The following PALLD variants were observed in gnomAD, a reference collection of about 807,000 sequenced individuals.
PALLD encodes the protein palladin, cytoskeletal associated protein, also known as palladin.
Under a neutral mutation model 123.5 loss-of-function variants are expected in PALLD, and 61 were observed. The observed-to-expected ratio is 0.49, with a 90% CI of 0.40 to 0.61. The LOEUF is 0.61. PALLD is among the 20% of genes least tolerant of loss of function. The pLI is 0.00. For missense variants in PALLD, 1,273 were observed against 1,377.0 expected (o/e 0.92, Z 1.20); for synonymous variants, 465 against 496.4 (o/e 0.94, Z 0.84).
rs768606490 is a variant in PALLD, at chr4:168,668,261, A to G, written c.980A>G (p.His327Arg). Residue 327 changes from histidine to arginine, a missense_variant, in exon 3 of 22, where the codon CAT (histidine) becomes CGT (arginine). Physicochemically the swap from His to Arg is conservative, Grantham distance 29. This residue lies in a region of PALLD where 944 missense variants were observed against 954.5 expected (regional missense o/e 0.99). Coordinates refer to ENST00000505667, the MANE Select transcript of PALLD (RefSeq NM_001166108.2). ...ATCCACTGTGAGGGAGGGGACCTCC[A>G]TACCCTGATCATAGCAGAGGCCTTT... ...IQIHCEGGDL[H>R]TLIIAEAFED... 7 of 1,613,910 alleles carry G rather than the reference A, an allele frequency of 4.3e-6. No individual in the cohort carries two copies. The highest frequency in any genetic ancestry group is 1.7e-5 in the Admixed American group (1 of 60,032).
At chr4:168,556,733 T>G (rs1198789568) in intron 2 of PALLD, among the ~76,000 whole-genome samples, 1 of 152,170 alleles carries the variant, frequency 6.6e-6, no homozygotes, top group Non-Finnish European at 1.5e-5. Context: ...CAAAAAAGAC[T>G]GAGAAAATAT....
chr4:168,526,420 C>T (rs72697209), intron 2 of PALLD, among the ~76,000 whole-genome samples: 13,115 of 152,198 alleles, frequency 0.086, 820 homozygotes, highest in Non-Finnish European at 0.13. Context: ...TTCTCACATC[C>T]GTGGTATTGA....
chr4:168,580,927 A>C (rs1770201112), intron 2 of PALLD, among the ~76,000 whole-genome samples: 1 of 152,058 alleles, frequency 6.6e-6, no homozygotes, highest in Non-Finnish European at 1.5e-5. Flanking sequence ...AAATGAGAAC[A>C]TGTGGACAGG....
At chr4:168,857,020 G>A (rs1332402416) in intron 10 of PALLD, among the ~76,000 whole-genome samples, 1 of 152,232 alleles carries the variant, frequency 6.6e-6, no homozygotes, top group Admixed American at 6.5e-5. Context: ...AAACATAAAT[G>A]TTAGAAAAGT....
chr4:168,899,715 G>A (rs998119076), intron 14 of PALLD, among the ~76,000 whole-genome samples: 4 of 152,002 alleles, frequency 2.6e-5, no homozygotes, highest in African/African-American at 7.3e-5. Context: ...TCAGGAGTTC[G>A]AGACCAGCCT....
intron 1 of PALLD, among the ~76,000 whole-genome samples, chr4:168,500,941 A>G (rs1331187415): frequency 6.6e-6 from 1 of 152,232 alleles, no homozygotes; most frequent in Non-Finnish European, 1.5e-5. Flanking sequence ...GATTCACAAA[A>G]TTACTTATGT....
chr4:168,896,822 GTATTTATT>G (rs528701229), intron 13 of PALLD, among the ~76,000 whole-genome samples: 2 of 151,532 alleles, frequency 1.3e-5, no homozygotes, highest in Non-Finnish European at 2.9e-5. Context: ...TTTACTTTAT[GTATTTATT>G]TATTTATTTA....
intron 15 of PALLD, among the ~76,000 whole-genome samples, chr4:168,909,500 G>A (rs1191401548): frequency 6.6e-6 from 1 of 152,144 alleles, no homozygotes; most frequent in African/African-American, 2.4e-5. Context: ...TGTTTGGAAT[G>A]GAAAAGTAAC....
At chr4:168,502,572 TTGA>T (rs1409811497) in intron 1 of PALLD, among the ~76,000 whole-genome samples, 1 of 152,058 alleles carries the variant, frequency 6.6e-6, no homozygotes, top group African/African-American at 2.4e-5. Context: ...CAAGCAACAG[TTGA>T]TAAAACAGAA....
chr4:168,922,280 C>T (rs1279788202), intron 18 of PALLD, among the ~76,000 whole-genome samples: 2 of 151,988 alleles, frequency 1.3e-5, no homozygotes, highest in Non-Finnish European at 2.9e-5. Flanking sequence ...TTTGAGAAGC[C>T]TAAAAGGAAA....
chr4:168,820,033 C>G (rs912710146), intron 10 of PALLD, among the ~76,000 whole-genome samples: 1 of 152,198 alleles, frequency 6.6e-6, no homozygotes, highest in Non-Finnish European at 1.5e-5. Flanking sequence ...TCTCCTGTGG[C>G]GAACTTAAAC....
chr4:168,602,982 G>A (rs1772823955), intron 2 of PALLD, among the ~76,000 whole-genome samples: 1 of 152,036 alleles, frequency 6.6e-6, no homozygotes, highest in African/African-American at 2.4e-5. Context: ...TGCCCAGTAT[G>A]GTCTTAAACC....
chr4:168,745,809 A>C lies in PALLD; in HGVS notation c.1964+33886A>C, dbSNP rs548274779. Among the ~76,000 whole-genome samples, 7 of 152,308 alleles carry C rather than the reference A, an allele frequency of 4.6e-5. No individual in the cohort carries two copies. In the South Asian group the frequency reaches 1.5e-3, roughly 32 times the overall value. Reference sequence around the variant, plus strand: ...CCTGCGCTAGTTTGCATGTGATCTAAATGATCCAAACTAATGGGTGAGCTT... The same window carrying C: ...CCTGCGCTAGTTTGCATGTGATCTACATGATCCAAACTAATGGGTGAGCTT... On this transcript the variant is annotated intron_variant, in intron 10 of 21. Transcript: ENST00000505667.
At chr4:168,800,553 CAG>C (rs1437306669) in intron 10 of PALLD, among the ~76,000 whole-genome samples, 29 of 152,154 alleles carry the variant, frequency 1.9e-4, no homozygotes, top group Middle Eastern at 6.8e-3. Flanking sequence ...ATTAAAACAA[CAG>C]AGATACCATT....
chr4:168,739,139 T>G (rs1169141807), intron 10 of PALLD, among the ~76,000 whole-genome samples: 1 of 152,246 alleles, frequency 6.6e-6, no homozygotes, highest in African/African-American at 2.4e-5. Flanking sequence ...TATTCCATTG[T>G]GTATATATAC....
intron 2 of PALLD, among the ~76,000 whole-genome samples, chr4:168,546,561 G>T (rs1397143187): frequency 1.3e-5 from 2 of 152,110 alleles, no homozygotes; most frequent in Non-Finnish European, 2.9e-5. Context: ...CTTAGAGCCA[G>T]GAGTTACCAT....
chr4:168,757,531 G>A (rs76785490), intron 10 of PALLD, among the ~76,000 whole-genome samples: 3,120 of 152,286 alleles, frequency 0.02, 103 homozygotes, highest in East Asian at 0.17. Flanking sequence ...TAGTTTACTT[G>A]TAGCCATTTC....
At chr4:168,673,166 C>T (rs1780463846) in intron 3 of PALLD, among the ~76,000 whole-genome samples, 2 of 152,188 alleles carry the variant, frequency 1.3e-5, no homozygotes, top group Non-Finnish European at 2.9e-5. Flanking sequence ...CAGCAGCGAA[C>T]AAGCAGGCCT....
intron 18 of PALLD, among the ~76,000 whole-genome samples, chr4:168,923,037 A>T (rs923062463): frequency 6.6e-6 from 1 of 152,274 alleles, no homozygotes; most frequent in Non-Finnish European, 1.5e-5. Flanking sequence ...GGATTAAATC[A>T]TAAAAATGTG....
Sources: allele counts gnomAD v4.1 joint callset (sites outside exome capture counted in the v4.1 genomes callset), GRCh38; gene constraint gnomAD v4.1.1; regional missense constraint gnomAD v4.1.1; transcripts MANE v1.5; gene names NCBI Gene and HGNC (gene_info 2026-07-23, HGNC 2026-07-21).